NAV2: variants seen among roughly 807,000 people sequenced by gnomAD.
NAV2 encodes neuron navigator 2.
NAV2 carries 54 observed loss-of-function variants against 223.2 expected under a neutral mutation model. The observed-to-expected ratio is 0.24, with a 90% CI of 0.19 to 0.30. The LOEUF (loss-of-function observed/expected upper bound fraction) is 0.30. Ranked by LOEUF, NAV2 falls within the 10% of genes least tolerant of loss-of-function variation. The pLI is 1.00. For synonymous variants in NAV2, 1,279 were observed against 1,239.3 expected (o/e 1.03, Z -0.67); for missense variants, 2,806 against 3,147.5 (o/e 0.89, Z 2.60).
chr11:19,510,324 G>T (rs1485036598), intron 1 of NAV2, among the ~76,000 whole-genome samples: 1 of 152,204 alleles, frequency 6.6e-6, no homozygotes, highest in African/African-American at 2.4e-5. Flanking sequence ...GAGGAAACTG[G>T]GGTCCAGAGA....
At chr11:19,557,408 A>G (rs1185730801) in intron 1 of NAV2, among the ~76,000 whole-genome samples, 1 of 152,176 alleles carries the variant, frequency 6.6e-6, no homozygotes, top group East Asian at 1.9e-4. Flanking sequence ...TGTAGAATTG[A>G]TTTATTTTAG....
intron 1 of NAV2, among the ~76,000 whole-genome samples, chr11:19,657,326 T>C (rs577814242): frequency 3.3e-5 from 5 of 152,286 alleles, no homozygotes; most frequent in African/African-American, 1.2e-4. Context: ...TAGTTTGTAC[T>C]TCCCAATACA....
At position 19,589,980 on chromosome 11, in the gene NAV2, G is replaced by T. The variant is rs951550608; in HGVS notation, c.75+238953G>T. Among the ~76,000 whole-genome samples, 5 of 152,180 alleles carry T rather than the reference G, an allele frequency of 3.3e-5. No homozygotes were observed. In the South Asian group the frequency reaches 1.0e-3, roughly 31 times the overall value. On this transcript the variant is annotated intron_variant, in intron 1 of 37. Coordinates refer to the NAV2 transcript ENST00000360655. ...CTGGGGCAAGTTCCTGCCTCTCTCT[G>T]TGCCTCAACTTCCTCAGTCTTGTGT...
At chr11:19,907,528 G>GAT (rs869266481) in intron 6 of NAV2, among the ~76,000 whole-genome samples, 1 of 25,524 alleles carries the variant, frequency 3.9e-5, no homozygotes. Context: ...CACTCATAGG[G>GAT]GGAGGGGGAA....
In NAV2 at chr11:19,508,356, C is replaced by T. The variant is rs534961679; in HGVS notation, c.75+157329C>T. Among the ~76,000 whole-genome samples the T allele has an allele frequency of 2.6e-5, 4 of 152,286 alleles. No homozygotes were observed. The South Asian group carries it at 8.3e-4, about 32-fold the overall frequency. ...GGCTCTATGGATGCTGACCTTTGTC[C>T]TCTTCCAAACTAAAGAAAAACAAAT... On this transcript the variant is annotated intron_variant, in intron 1 of 37. Coordinates refer to the NAV2 transcript ENST00000360655.
intron 1 of NAV2, among the ~76,000 whole-genome samples, chr11:19,604,319 G>A (rs1176155504): frequency 1.3e-5 from 2 of 152,138 alleles, no homozygotes; most frequent in Admixed American, 6.5e-5. Flanking sequence ...CATCGGTGGT[G>A]TGTTTAAACG....
At chr11:19,973,536 A>G (rs1455869197) in intron 10 of NAV2, among the ~76,000 whole-genome samples, 1 of 152,190 alleles carries the variant, frequency 6.6e-6, no homozygotes, top group African/African-American at 2.4e-5. Context: ...GAAATTCTCT[A>G]CTTGATCAAT....
intron 1 of NAV2, among the ~76,000 whole-genome samples, chr11:19,559,156 G>T (rs889578345): frequency 6.6e-6 from 1 of 152,188 alleles, no homozygotes; most frequent in Non-Finnish European, 1.5e-5. Context: ...CCTACCACAG[G>T]TACTTATAGT....
chr11:19,645,318 G>A (rs1480307010), intron 1 of NAV2, among the ~76,000 whole-genome samples: 1 of 152,108 alleles, frequency 6.6e-6, no homozygotes, highest in East Asian at 1.9e-4. Context: ...CACTTCTAAG[G>A]ACCACTGGGA....
chr11:19,998,398 A>G lies in NAV2; in HGVS notation c.2768+14151A>G, dbSNP rs1247917690. Among the ~76,000 whole-genome samples the G allele has an allele frequency of 6.6e-6, 1 of 152,004 alleles. No individual in the cohort carries two copies. Among genetic ancestry groups the G allele is most frequent in the East Asian group, 1.9e-4 (1 of 5,172 alleles). ...GCAGCCTTCCAGGCCCACTGTACCC[A>G]CCAGGGCCTTCATGCGGTACGTTCT... On this transcript the variant is annotated intron_variant, in intron 11 of 37. Coordinates refer to ENST00000349880, the MANE Select transcript of NAV2 (RefSeq NM_145117.5). The surrounding 1 kb of genome is among the most constrained non-coding windows in gnomAD (Gnocchi z 5.0).
At chr11:19,766,426 GA>G (rs2055231191) in intron 1 of NAV2, among the ~76,000 whole-genome samples, 1 of 152,178 alleles carries the variant, frequency 6.6e-6, no homozygotes, top group African/African-American at 2.4e-5. Context: ...CAGCTCTCAG[GA>G]AGCTGATGTC....
At chr11:20,095,482 T>C (rs148083432) in intron 29 of NAV2, among the ~76,000 whole-genome samples, 190 bp from the exon 30 acceptor site, 1 of 152,194 alleles carries the variant, frequency 6.6e-6, no homozygotes, top group Non-Finnish European at 1.5e-5. Flanking sequence ...GACCGCTGTT[T>C]TAGCAGTAAA....
chr11:19,811,746 A>G (rs2058844655), intron 1 of NAV2, among the ~76,000 whole-genome samples: 1 of 152,206 alleles, frequency 6.6e-6, no homozygotes, highest in Non-Finnish European at 1.5e-5. Flanking sequence ...GCTTTTGCTA[A>G]AGTTTTATGC....
chr11:19,863,721 C>T lies in NAV2; in HGVS notation c.439-5204C>T, dbSNP rs373681048. On this transcript the variant is annotated intron_variant, in intron 3 of 37. Transcript: ENST00000349880. ...ACGTTCCCAACACTCTTCTCTTTCACAGTAACCATAACAGCTTGTCATCAT... is the reference window on the plus strand; with the variant it reads ...ACGTTCCCAACACTCTTCTCTTTCATAGTAACCATAACAGCTTGTCATCAT... Among the ~76,000 whole-genome samples the T allele has an allele frequency of 2.6e-5, 4 of 152,208 alleles. No individual in the cohort carries two copies. The East Asian group carries it at 7.7e-4, about 29-fold the overall frequency.
intron 1 of NAV2, among the ~76,000 whole-genome samples, chr11:19,548,168 A>G (rs866451380): frequency 1.3e-5 from 2 of 152,246 alleles, no homozygotes; most frequent in Non-Finnish European, 2.9e-5. Context: ...GGTAATGGGT[A>G]TCTCCAAAGA....
intron 1 of NAV2, among the ~76,000 whole-genome samples, chr11:19,620,162 G>A (rs2046941476): frequency 6.6e-6 from 1 of 152,064 alleles, no homozygotes; most frequent in East Asian, 1.9e-4. Context: ...GGTTACTGTA[G>A]CCTTGTAGTA....
chr11:19,432,013 C>G (rs1851053742), intron 1 of NAV2, among the ~76,000 whole-genome samples: 1 of 152,104 alleles, frequency 6.6e-6, no homozygotes, highest in Non-Finnish European at 1.5e-5. Flanking sequence ...GCCTGGCCAA[C>G]AGGATGAAAC....
Position 20,048,753 on chromosome 11 carries a change from C to A in NAV2, c.3928C>A (p.Gln1310Lys), listed in dbSNP as rs200845948. The A allele has an allele frequency of 6.2e-7, 1 of 1,614,112 alleles. No homozygotes were observed. Among genetic ancestry groups the A allele is most frequent in the East Asian group, 2.2e-5 (1 of 44,874 alleles). Residue 1310 changes from glutamine to lysine, a missense_variant, in exon 15 of 38, where the codon CAA (glutamine) becomes AAA (lysine). Transcript: ENST00000349880. ...ACTCTTTGGTGGGAAGCCTACCAAG[C>A]AAGTGCCCATCGCCACAGCTGAAAA... is the stretch of plus-strand genomic sequence containing the variant. ...RRLFGGKPTK[Q>K]VPIATAENMK...
intron 1 of NAV2, among the ~76,000 whole-genome samples, chr11:19,372,179 C>T (rs1848493683): frequency 6.6e-6 from 1 of 152,194 alleles, no homozygotes. Context: ...CATCATGTTT[C>T]TCTTGGGGCA....
Sources: allele counts gnomAD v4.1 joint callset (sites outside exome capture counted in the v4.1 genomes callset), GRCh38; gene constraint gnomAD v4.1.1; non-coding constraint Gnocchi (gnomAD v3.1); transcripts MANE v1.5; gene names NCBI Gene and HGNC (gene_info 2026-07-23, HGNC 2026-07-21).